Variants in ELAVL2 observed in about 807,000 individuals in gnomAD.
ELAVL2 encodes ELAV-like protein 2.
ELAVL2 carries 4 observed loss-of-function variants against 34.6 expected under a neutral mutation model. The observed-to-expected ratio is 0.12, with a 90% CI of 0.06 to 0.26. The LOEUF (loss-of-function observed/expected upper bound fraction) is 0.26, where lower values mean the gene tolerates loss of function less well. Ranked by LOEUF, ELAVL2 falls within the 10% of genes least tolerant of loss-of-function variation. ELAVL2 has a pLI of 1.00. For missense variants in ELAVL2, 432 were observed against 442.8 expected (o/e 0.98, Z 0.22); for synonymous variants, 193 against 154.8 (o/e 1.25, Z -1.83).
chr9:23,739,175 C>A (rs1213853832), intron 2 of ELAVL2, among the ~76,000 whole-genome samples: 1 of 152,146 alleles, frequency 6.6e-6, no homozygotes, highest in East Asian at 1.9e-4. Context: ...AATTCCTCTA[C>A]AACCCACAGG....
chr9:23,726,016 G>GT (rs2045051403), intron 3 of ELAVL2, among the ~76,000 whole-genome samples: 1 of 151,880 alleles, frequency 6.6e-6, no homozygotes, highest in African/African-American at 2.4e-5. Flanking sequence ...TTTAGACAGA[G>GT]TAAGATTTCA....
intron 2 of ELAVL2, among the ~76,000 whole-genome samples, chr9:23,732,451 C>T (rs2046813080): frequency 6.6e-6 from 1 of 152,102 alleles, no homozygotes; most frequent in Non-Finnish European, 1.5e-5. Flanking sequence ...GAATAGAGAG[C>T]TAAAAACTAA....
At chr9:23,817,072 G>A (rs1055082924) in intron 1 of ELAVL2, among the ~76,000 whole-genome samples, 1 of 151,322 alleles carries the variant, frequency 6.6e-6, no homozygotes, top group Non-Finnish European at 1.5e-5. Flanking sequence ...TCATTTTACT[G>A]TTACTGTCTT....
At chr9:23,693,363 G>T in intron 6 of ELAVL2, 85 bp downstream of exon 6, 1 of 1,508,556 alleles carries the variant, frequency 6.6e-7, no homozygotes, top group Non-Finnish European at 9.1e-7. Context: ...AAAAACTTAT[G>T]AGGGGTGTGA....
intron 1 of ELAVL2, among the ~76,000 whole-genome samples, chr9:23,795,039 C>T (rs111373179): frequency 1.6e-3 from 236 of 152,214 alleles, no homozygotes; most frequent in Admixed American, 2.9e-3. Context: ...TGATCAACTG[C>T]TATCAAAACA....
intron 5 of ELAVL2, among the ~76,000 whole-genome samples, chr9:23,696,104 G>T (rs1387629065): frequency 6.6e-6 from 1 of 152,096 alleles, no homozygotes; most frequent in East Asian, 1.9e-4. Flanking sequence ...TGGTCCTTTG[G>T]AACTAAGCCA....
intron 2 of ELAVL2, among the ~76,000 whole-genome samples, chr9:23,757,382 G>A (rs1213644578): frequency 6.6e-6 from 1 of 152,012 alleles, no homozygotes; most frequent in Non-Finnish European, 1.5e-5. Flanking sequence ...AAGATAATCA[G>A]AATTCTGGTC....
At chr9:23,810,890 C>A (rs2771046) in intron 1 of ELAVL2, among the ~76,000 whole-genome samples, 28,879 of 152,134 alleles carry the variant, frequency 0.19, 2,822 homozygotes, top group East Asian at 0.29. Context: ...AGTTCACCAT[C>A]TTCAATTGCC....
At chr9:23,734,976 T>C (rs1234763018) in intron 2 of ELAVL2, among the ~76,000 whole-genome samples, 2 of 151,572 alleles carry the variant, frequency 1.3e-5, no homozygotes, top group African/African-American at 4.8e-5. Context: ...ATACTGATAA[T>C]CCCCAAACTA....
At chr9:23,794,407 G>A (rs1264821003) in intron 1 of ELAVL2, among the ~76,000 whole-genome samples, 3 of 152,172 alleles carry the variant, frequency 2.0e-5, no homozygotes, top group Non-Finnish European at 2.9e-5. Flanking sequence ...CACACGTACA[G>A]CAGGCCTCTT....
At chr9:23,787,854 CAA>C (rs1307382265) in intron 1 of ELAVL2, among the ~76,000 whole-genome samples, 2 of 152,130 alleles carry the variant, frequency 1.3e-5, no homozygotes, top group African/African-American at 4.8e-5. Flanking sequence ...GCCAAACAAA[CAA>C]GAGTCAAATA....
intron 1 of ELAVL2, among the ~76,000 whole-genome samples, chr9:23,777,880 T>C (rs1418291512): frequency 1.3e-5 from 2 of 152,104 alleles, no homozygotes; most frequent in African/African-American, 4.8e-5. Flanking sequence ...ATAACCAAAA[T>C]GGAAACAAGT....
At chr9:23,728,698 A>G (rs2045843461) in intron 3 of ELAVL2, among the ~76,000 whole-genome samples, 1 of 152,122 alleles carries the variant, frequency 6.6e-6, no homozygotes, top group African/African-American at 2.4e-5. Context: ...TAAAGCTGTG[A>G]ATACTAGAAA....
chr9:23,835,860 C>A, the ELAVL2 span, among the ~76,000 whole-genome samples: 1 of 152,116 alleles, frequency 6.6e-6, no homozygotes, highest in Admixed American at 6.6e-5. Flanking sequence ...AGAAAACAGA[C>A]TTAATGTTTT....
intron 1 of ELAVL2, among the ~76,000 whole-genome samples, chr9:23,763,935 A>AG (rs2055638716): frequency 6.6e-6 from 1 of 152,192 alleles, no homozygotes; most frequent in Non-Finnish European, 1.5e-5. Flanking sequence ...AAAGGGATGA[A>AG]GGAAAATAAA....
intron 1 of ELAVL2, among the ~76,000 whole-genome samples, chr9:23,791,568 C>G (rs1283983048): frequency 6.6e-6 from 1 of 152,082 alleles, no homozygotes; most frequent in Non-Finnish European, 1.5e-5. Context: ...GGAAATAAGG[C>G]TAAATGAGGT....
intron 1 of ELAVL2, among the ~76,000 whole-genome samples, chr9:23,763,778 C>A (rs759958861): frequency 5.9e-5 from 9 of 152,210 alleles, no homozygotes; most frequent in South Asian, 2.1e-4. Context: ...GATAAAAAAA[C>A]ATGAGGCAAA....
chr9:23,694,414 CCA>C (rs1466467009), intron 5 of ELAVL2, among the ~76,000 whole-genome samples: 1 of 152,176 alleles, frequency 6.6e-6, no homozygotes, highest in African/African-American at 2.4e-5. Flanking sequence ...TCCCAAATTT[CCA>C]CAGTGCTTAC....
chr9:23,812,750 CAA>C (rs569118079), intron 1 of ELAVL2, among the ~76,000 whole-genome samples: 11 of 134,996 alleles, frequency 8.1e-5, no homozygotes, highest in Non-Finnish European at 8.0e-5. Flanking sequence ...CTCCAAATAT[CAA>C]AAAAAAAAAA....
Sources: gnomAD v4.1 joint callset for allele counts (sites outside exome capture counted in the v4.1 genomes callset) on GRCh38, gnomAD v4.1.1 for gene constraint, MANE v1.5 for transcripts, NCBI Gene and HGNC (gene_info 2026-07-23, HGNC 2026-07-21) for gene names.